Variants in GIT1 observed in about 807,000 individuals in gnomAD.
GIT1 encodes the protein ARF GTPase-activating protein GIT1.
Under a neutral mutation model 91.7 loss-of-function variants are expected in GIT1, and 14 were observed. The ratio of observed to expected loss-of-function variants is 0.15; its 90% CI spans 0.10 to 0.24. GIT1 has a LOEUF of 0.24. Ranked by LOEUF, GIT1 falls within the 10% of genes least tolerant of loss-of-function variation. The pLI is 1.00. For missense variants in GIT1, 717 were observed against 1,024.9 expected (o/e 0.70, Z 4.10); for synonymous variants, 414 against 418.2 (o/e 0.99, Z 0.12).
chr17:29,581,775 G>T lies in GIT1; in HGVS notation c.685C>A (p.Arg229=), dbSNP rs1444616024. Reference sequence around the variant, plus strand: ...CGTCCACAGAGGTAGAAGGCCAGCCGGTCAGTGAGCTCATATTGGCACTCA... The same window carrying T: ...CGTCCACAGAGGTAGAAGGCCAGCCTGTCAGTGAGCTCATATTGGCACTCA... ...LVECQYELTD[R]LAFYLCGRKP... is the part of the protein sequence containing the mutation. The change falls in exon 6 of 20, where the codon CGG becomes AGG. Residue 229 remains arginine (R), a synonymous_variant. Coordinates refer to ENST00000225394, the MANE Select transcript of GIT1 (RefSeq NM_014030.4). This position sits in a 1 kb window ranked among gnomAD's most constrained non-coding sequence, Gnocchi z 4.8. 6.2e-7 allele frequency: 1 copy of T among 1,612,028 alleles called. No homozygotes were observed.
At chr17:29,585,004 C>T (rs139582351) in intron 1 of GIT1, among the ~76,000 whole-genome samples, 1 of 148,826 alleles carries the variant, frequency 6.7e-6, no homozygotes, top group African/African-American at 2.5e-5. Context: ...GCTCTGTCGC[C>T]CAGGCTGGAG....
Position 29,582,076 on chromosome 17 carries a change from C to G in GIT1, c.474G>C (p.Gln158His), listed in dbSNP as rs2033417004. 5.0e-6 allele frequency: 8 copies of G among 1,608,196 alleles called. No homozygotes were observed. In the South Asian group the frequency reaches 6.6e-5, roughly 13 times the overall value. Residue 158 changes from glutamine to histidine, a missense_variant, in exon 5 of 20, where the codon CAG (glutamine) becomes CAC (histidine). Around this residue, in one of 3 missense-constraint regions of GIT1, gnomAD observed 271 missense variants for 451.6 expected, o/e 0.60. Transcript: ENST00000225394. ...CCTTCTCTGGGTGGAAGAAGTTGGC[C>G]TGGGCACCCAGGGAGAGCAGGCGCA... is the stretch of plus-strand genomic sequence containing the variant. ...TCLRLLSLGA[Q>H]ANFFHPEKGT...
chr17:29,574,813 G>T lies in GIT1; in HGVS notation c.2175C>A (p.Gly725=), dbSNP rs762322741. ...ECRKTVPPEP[G]APVDFQLLTQ... ...TCAGCAGCTGGAAGTCCACTGGGGC[G>T]CCGGGCTCTGGGGGCACTGTCTTCC... The change falls in exon 20 of 20, where the codon GGC becomes GGA. Residue 725 remains glycine, a synonymous_variant. Coordinates refer to ENST00000225394, the MANE Select transcript of GIT1 (RefSeq NM_014030.4). 6.2e-7 allele frequency: 1 copy of T among 1,611,402 alleles called. No individual in the cohort carries two copies. Among genetic ancestry groups the T allele is most frequent in the African/African-American group, 1.3e-5 (1 of 75,036 alleles).
intron 7 of GIT1, chr17:29,579,092 C>A: frequency 1.0e-6 from 1 of 956,120 alleles, no homozygotes. Context: ...GACCCATCTC[C>A]ACGCACACCC....
rs376032191 is a variant in GIT1 at position 29,576,974 on chromosome 17, C to T, written c.1116G>A (p.Arg372=). The part of the protein sequence containing the change: ...SPTDNLELSL[R]SQSDLDDQHD... ...GTTGGTCGTCGAGGTCACTCTGGCT[C>T]CGCAGAGACAGCTCGAGGTTGTCTG... The change falls in exon 12 of 20, where the codon CGG becomes CGA. Residue 372 remains arginine (R), a synonymous_variant. Coordinates refer to ENST00000225394, the MANE Select transcript of GIT1 (RefSeq NM_014030.4). 1 of 1,602,650 alleles carries T rather than the reference C, an allele frequency of 6.2e-7. No homozygotes were observed. Among genetic ancestry groups the T allele is most frequent in the Non-Finnish European group, 8.5e-7 (1 of 1,179,404 alleles).
Position 29,577,751 on chromosome 17 carries a change from G to T in GIT1, c.884-9C>A. ...TTGGGTAGCCAGCCACACTGTAGGG[G>T]ACGGACAGGAGCAGATCAGCCACGG... On this transcript the variant is annotated splice_polypyrimidine_tract_variant and intron_variant, in intron 9 of 19. Transcript: ENST00000225394. The T allele has an allele frequency of 6.4e-7, 1 of 1,570,700 alleles. No individual in the cohort carries two copies. The highest frequency in any genetic ancestry group is 8.8e-7 in the Non-Finnish European group (1 of 1,140,536).
intron 2 of GIT1, 67 bp downstream of exon 2, chr17:29,583,416 G>C: frequency 6.5e-7 from 1 of 1,548,366 alleles, no homozygotes; most frequent in Non-Finnish European, 8.8e-7. Context: ...GGGTGAGGGG[G>C]AAACGCCCTC....
rs1382603168 is a variant in GIT1 at position 29,589,245 on chromosome 17, G to C, written c.52+82C>G. On this transcript the variant is annotated intron_variant, in intron 1 of 19. Coordinates refer to ENST00000225394, the MANE Select transcript of GIT1 (RefSeq NM_014030.4). This position sits in a 1 kb window ranked among gnomAD's most constrained non-coding sequence, Gnocchi z 5.2. ...CCGCCCCGCCCAGCCCTCCGGCCCCGCACAGCGCTCTTGCCAGGCCCCGGC... is the reference window on the plus strand; with the variant it reads ...CCGCCCCGCCCAGCCCTCCGGCCCCCCACAGCGCTCTTGCCAGGCCCCGGC... 1.7e-4 allele frequency: 36 copies of C among 217,220 alleles called. No individual in the cohort carries two copies. Among genetic ancestry groups the C allele is most frequent in the Non-Finnish European group, 2.5e-4 (33 of 130,748 alleles). 13.5% of individuals were successfully genotyped at this position (217,220 alleles called of 1,614,324 possible). A position where few individuals can be genotyped will look rare whatever the true frequency, so the allele number is the denominator to read the frequency against.
In GIT1 at chr17:29,574,647, C is replaced by CAG. The variant is rs1268086608; in HGVS notation, c.*53_*54dup. 3 of 1,379,738 alleles carry CAG rather than the reference C, an allele frequency of 2.2e-6. No homozygotes were observed. 85.5% of individuals were successfully genotyped at this position (1,379,738 alleles called of 1,614,324 possible). ...GTGGGGATTAATGTCTGGAGTGGCCCAGCTCCTATGGCCAGTGAGGTCCTA... is the reference window on the plus strand; with the variant it reads ...GTGGGGATTAATGTCTGGAGTGGCCCAGAGCTCCTATGGCCAGTGAGGTCCTA... On this transcript the variant is annotated 3_prime_UTR_variant, in exon 20 of 20. Transcript: ENST00000225394.
At position 29,574,719 on chromosome 17, in the gene GIT1, G is replaced by T; in HGVS notation, c.2269C>A (p.Arg757=). 5 of 1,613,060 alleles carry T rather than the reference G, an allele frequency of 3.1e-6. No homozygotes were observed. Among genetic ancestry groups the T allele is most frequent in the Non-Finnish European group, 4.2e-6 (5 of 1,179,426 alleles). Residue 757 remains arginine, a synonymous_variant, in exon 20 of 20, where the codon CGA becomes AGA. Coordinates refer to ENST00000225394, the MANE Select transcript of GIT1 (RefSeq NM_014030.4). ...AAKQLVTITT[R]EKKQ ...GAGAGAGGTCACTGCTTCTTCTCTC[G>T]GGTGGTGATGGTGACCAGCTGCTTG... is the stretch of plus-strand genomic sequence containing the variant.
chr17:29,588,630 C>T lies in GIT1; in HGVS notation c.52+697G>A, dbSNP rs183344241. On this transcript the variant is annotated intron_variant, in intron 1 of 19. Coordinates refer to ENST00000225394, the MANE Select transcript of GIT1 (RefSeq NM_014030.4). ...AGCTCACTTTCCCAAGCAGGCCTTA[C>T]CGGTGAACAGGAACAGCAGGGTCCA... Among the ~76,000 whole-genome samples, 4 of 152,244 alleles carry T rather than the reference C, an allele frequency of 2.6e-5. No homozygotes were observed. In the East Asian group the frequency reaches 7.7e-4, roughly 29 times the overall value.
chr17:29,578,724 G>C lies in GIT1; in HGVS notation c.810+7C>G. 6.2e-7 allele frequency: 1 copy of C among 1,613,322 alleles called. No individual in the cohort carries two copies. The highest frequency in any genetic ancestry group is 8.5e-7 in the Non-Finnish European group (1 of 1,179,234). ...CAAGTGTCAGGGCACTGTTGGAGCAGACTTACCGCCTGCAGCTTCTTCTTA... is the reference window on the plus strand; with the variant it reads ...CAAGTGTCAGGGCACTGTTGGAGCACACTTACCGCCTGCAGCTTCTTCTTA... On this transcript the variant is annotated splice_region_variant and intron_variant, in intron 8 of 19. Coordinates refer to ENST00000225394, the MANE Select transcript of GIT1 (RefSeq NM_014030.4).
rs2033171885 is a variant in GIT1, at chr17:29,575,791, C to T, written c.1752+21G>A. 6.2e-7 allele frequency: 1 copy of T among 1,611,434 alleles called. No homozygotes were observed. The highest frequency in any genetic ancestry group is 1.3e-5 in the African/African-American group (1 of 74,868). On this transcript the variant is annotated intron_variant, in intron 16 of 19. Coordinates refer to ENST00000225394, the MANE Select transcript of GIT1 (RefSeq NM_014030.4). This position sits in a 1 kb window ranked among gnomAD's most constrained non-coding sequence, Gnocchi z 5.5. ...ACACGGCCCCCAGCCACCCTGTGGG[C>T]ACTGGGCATGGAAACATTACCGTGT...
rs1045701655 is a variant in GIT1, at chr17:29,582,580, C to T, written c.405+118G>A. On this transcript the variant is annotated intron_variant, in intron 4 of 19. Coordinates refer to ENST00000225394, the MANE Select transcript of GIT1 (RefSeq NM_014030.4). The stretch of plus-strand genomic sequence containing the variant: ...GCTCTCTCCACCCTGTCTACTGTTA[C>T]CCTGACCTGGCTGCCTTTGGGGCCC... 30 of 712,572 alleles carry T rather than the reference C, an allele frequency of 4.2e-5. No individual in the cohort carries two copies. In the African/African-American group the frequency reaches 4.9e-4, roughly 12 times the overall value. 44.1% of individuals were successfully genotyped at this position (712,572 alleles called of 1,614,324 possible).
At chr17:29,587,950 TCA>T (rs1254984081) in intron 1 of GIT1, among the ~76,000 whole-genome samples, 12 of 151,826 alleles carry the variant, frequency 7.9e-5, no homozygotes, top group African/African-American at 1.2e-4. Flanking sequence ...GGGAACGGAG[TCA>T]CAGTTTCTTA....
intron 1 of GIT1, among the ~76,000 whole-genome samples, chr17:29,585,098 G>A (rs1365990477): frequency 2.6e-5 from 4 of 151,466 alleles, no homozygotes; most frequent in African/African-American, 7.3e-5. Context: ...ACACCTTCCT[G>A]GGGGGCTGAC....
Position 29,575,778 on chromosome 17 carries a change from G to C in GIT1, c.1752+34C>G. ...CTGCCCCTAGCCCACACGGCCCCCA[G>C]CCACCCTGTGGGCACTGGGCATGGA... On this transcript the variant is annotated intron_variant, in intron 16 of 19. Transcript: ENST00000225394. This position sits in a 1 kb window ranked among gnomAD's most constrained non-coding sequence, Gnocchi z 5.5. 6.2e-7 allele frequency: 1 copy of C among 1,610,316 alleles called. No homozygotes were observed. The highest frequency in any genetic ancestry group is 8.5e-7 in the Non-Finnish European group (1 of 1,176,984).
chr17:29,578,871 C>A (rs916350621), intron 7 of GIT1, 92 bp from the exon 8 acceptor site: 2 of 1,554,838 alleles, frequency 1.3e-6, no homozygotes, highest in Non-Finnish European at 1.8e-6. Flanking sequence ...ATGCAGGGAT[C>A]CCGGGGAGAT....
chr17:29,577,865 AG>A (rs2033268663), intron 9 of GIT1, 123 bp from the exon 10 acceptor site: 3 of 674,938 alleles, frequency 4.4e-6, no homozygotes, highest in East Asian at 5.4e-5. Flanking sequence ...TGTTCAGAAC[AG>A]GGGTGGTCTT....
Sources: gnomAD v4.1 joint callset for allele counts (sites outside exome capture counted in the v4.1 genomes callset) on GRCh38, gnomAD v4.1.1 for gene constraint, gnomAD v4.1.1 regional missense constraint, Gnocchi (gnomAD v3.1) non-coding constraint, MANE v1.5 for transcripts, NCBI Gene and HGNC (gene_info 2026-07-23, HGNC 2026-07-21) for gene names.